Variants in NCOA2 observed in about 807,000 individuals in gnomAD.
NCOA2 encodes the protein class E basic helix-loop-helix protein 75.
A neutral mutation model predicts 145.1 loss-of-function variants in NCOA2; 21 were observed. The observed-to-expected ratio is 0.14, with a 90% CI of 0.10 to 0.21. The LOEUF is 0.21. Among genes scored for constraint, NCOA2 ranks in the 10% least tolerant of loss-of-function variants. The pLI is 1.00. For synonymous variants in NCOA2, 619 were observed against 637.5 expected (o/e 0.97, Z 0.44); for missense variants, 1,472 against 1,837.6 (o/e 0.80, Z 3.64).
chr8:70,271,975 T>C (rs531995825), intron 2 of NCOA2, among the ~76,000 whole-genome samples: 72 of 152,330 alleles, frequency 4.7e-4, no homozygotes, highest in African/African-American at 1.7e-3. Context: ...AATAAAGAGA[T>C]TGAAAAATTG....
rs201515363 is a variant in NCOA2, at chr8:70,178,422, C to G, written c.260-3563G>C. On this transcript the variant is annotated intron_variant, in intron 4 of 22. Transcript: ENST00000452400. Reference sequence around the variant, plus strand: ...ATGCTGTTTTATTCTTTAAAATAGTCAACTGATAAATATTTAAGAGGAAGA... The same window carrying G: ...ATGCTGTTTTATTCTTTAAAATAGTGAACTGATAAATATTTAAGAGGAAGA... Among the ~76,000 whole-genome samples, 9 of 152,236 alleles carry G rather than the reference C, an allele frequency of 5.9e-5. No individual in the cohort carries two copies. In the East Asian group the frequency reaches 1.7e-3, roughly 29 times the overall value.
At chr8:70,130,039 C>T (rs748116661) in intron 16 of NCOA2, among the ~76,000 whole-genome samples, 13 of 152,174 alleles carry the variant, frequency 8.5e-5, no homozygotes, top group Non-Finnish European at 1.8e-4. Flanking sequence ...GTGCTGGAGC[C>T]GCCCAGAGCC....
At chr8:70,270,959 T>G (rs529590364) in intron 2 of NCOA2, among the ~76,000 whole-genome samples, 1 of 152,232 alleles carries the variant, frequency 6.6e-6, no homozygotes, top group Non-Finnish European at 1.5e-5. Flanking sequence ...AAAAAGATGA[T>G]GAATTATATG....
At chr8:70,410,015 G>C in the NCOA2 span, among the ~76,000 whole-genome samples, 1 of 152,150 alleles carries the variant, frequency 6.6e-6, no homozygotes, top group African/African-American at 2.4e-5. Flanking sequence ...TTCGAGACCA[G>C]CCTGGCCAAC....
chr8:70,393,882 C>T (rs2131661984), intron 1 of NCOA2, among the ~76,000 whole-genome samples: 1 of 152,356 alleles, frequency 6.6e-6, no homozygotes, highest in African/African-American at 2.4e-5. Flanking sequence ...TTCCAATGCC[C>T]TTCAACGTCC....
rs200567937 is a variant in NCOA2 at position 70,127,092 on chromosome 8, A to G, written c.3682-45T>C. On this transcript the variant is annotated intron_variant, in intron 18 of 22. Coordinates refer to ENST00000452400, the MANE Select transcript of NCOA2 (RefSeq NM_006540.4). ...ATGGAGGAAAATGTCGGGGACAGAC[A>G]TAGATTAAAAAACAAAGTGAGTATT... The G allele has an allele frequency of 2.6e-5, 36 of 1,395,748 alleles. No individual in the cohort carries two copies. In the East Asian group the frequency reaches 8.4e-4, roughly 33 times the overall value. 86.5% of individuals were successfully genotyped at this position (1,395,748 alleles called of 1,614,324 possible).
chr8:70,373,788 C>A (rs890963749), intron 1 of NCOA2, among the ~76,000 whole-genome samples: 4 of 152,152 alleles, frequency 2.6e-5, no homozygotes, highest in African/African-American at 9.7e-5. Flanking sequence ...GTTTTAACAT[C>A]ATTTGTTGAC....
At chr8:70,442,116 G>GAAGAAAGAAAGAAAGAAGAAAGA in the NCOA2 span, among the ~76,000 whole-genome samples, 1 of 82,350 alleles carries the variant, frequency 1.2e-5, no homozygotes, top group East Asian at 4.1e-4. Flanking sequence ...GAGAAAGAAA[G>GAAGAAAGAAAGAAAGAAGAAAGA]AAGAAAGAAA....
At chr8:70,423,330 T>G in the NCOA2 span, among the ~76,000 whole-genome samples, 1 of 152,082 alleles carries the variant, frequency 6.6e-6, no homozygotes, top group Non-Finnish European at 1.5e-5. Flanking sequence ...GTTACAGGCA[T>G]GTACCACCAT....
intron 1 of NCOA2, among the ~76,000 whole-genome samples, chr8:70,394,536 A>C (rs975153975): frequency 3.9e-5 from 6 of 152,362 alleles, no homozygotes; most frequent in African/African-American, 1.4e-4. Flanking sequence ...CATTAATATT[A>C]CTTAAAACAG....
intron 1 of NCOA2, among the ~76,000 whole-genome samples, chr8:70,303,803 G>T (rs893533032): frequency 6.6e-6 from 1 of 152,082 alleles, no homozygotes. Flanking sequence ...GGAGGGGGAA[G>T]ATAAGTTATT....
intron 4 of NCOA2, among the ~76,000 whole-genome samples, chr8:70,203,647 A>G (rs1818151991): frequency 6.6e-6 from 1 of 152,198 alleles, no homozygotes; most frequent in Admixed American, 6.5e-5. Flanking sequence ...CCAGTGAATG[A>G]CAATAATAAA....
intron 1 of NCOA2, among the ~76,000 whole-genome samples, chr8:70,327,944 T>C (rs1225917034): frequency 6.6e-6 from 1 of 152,218 alleles, no homozygotes; most frequent in Admixed American, 6.5e-5. Flanking sequence ...CTGATTTCTA[T>C]GACAAAGATT....
chr8:70,168,584 G>A (rs1813889561), intron 6 of NCOA2, among the ~76,000 whole-genome samples: 2 of 152,200 alleles, frequency 1.3e-5, no homozygotes, highest in Admixed American at 1.3e-4. Flanking sequence ...GCCTCCCAAA[G>A]TGCTGGGATT....
At chr8:70,333,253 C>G (rs1201023209) in intron 1 of NCOA2, among the ~76,000 whole-genome samples, 2 of 152,164 alleles carry the variant, frequency 1.3e-5, no homozygotes, top group East Asian at 3.9e-4. Flanking sequence ...AAACCCACAT[C>G]TAAACTGAAC....
At chr8:70,184,274 C>T (rs1465094326) in intron 4 of NCOA2, among the ~76,000 whole-genome samples, 1 of 152,168 alleles carries the variant, frequency 6.6e-6, no homozygotes, top group African/African-American at 2.4e-5. Context: ...AGATTCTCAT[C>T]TAGGAAGTTA....
At chr8:70,160,419 G>A (rs568290390) in intron 9 of NCOA2, among the ~76,000 whole-genome samples, 41 of 152,048 alleles carry the variant, frequency 2.7e-4, no homozygotes, top group South Asian at 1.2e-3. Context: ...TCTCTTAAAA[G>A]AATTGAGATT....
At chr8:70,208,074 G>A (rs994212998) in intron 4 of NCOA2, among the ~76,000 whole-genome samples, 5 of 151,718 alleles carry the variant, frequency 3.3e-5, no homozygotes, top group African/African-American at 4.8e-5. Flanking sequence ...CACCTAGTGA[G>A]ATCCCATCTC....
intron 2 of NCOA2, among the ~76,000 whole-genome samples, chr8:70,233,616 T>C (rs1341901887): frequency 1.3e-5 from 2 of 152,200 alleles, no homozygotes; most frequent in African/African-American, 4.8e-5. Context: ...GGGCATACTG[T>C]ATGTTGTTAC....
Sources: gnomAD v4.1 joint callset for allele counts (sites outside exome capture counted in the v4.1 genomes callset) on GRCh38, gnomAD v4.1.1 for gene constraint, MANE v1.5 for transcripts, NCBI Gene and HGNC (gene_info 2026-07-23, HGNC 2026-07-21) for gene names.